SLC23A3: variants seen among roughly 807,000 people sequenced by gnomAD.
SLC23A3 encodes E2-binding protein 3.
SLC23A3 carries 41 observed loss-of-function variants against 64.7 expected under a neutral mutation model. That is an observed-to-expected ratio of 0.63 (90% confidence interval 0.49 to 0.82). The LOEUF (loss-of-function observed/expected upper bound fraction) is 0.82, where lower values mean the gene tolerates loss of function less well. Ranked by LOEUF, SLC23A3 falls within the 40% of genes least tolerant of loss-of-function variation. The pLI is 0.00. For synonymous variants in SLC23A3, 281 were observed against 306.8 expected (o/e 0.92, Z 0.88); for missense variants, 647 against 733.4 (o/e 0.88, Z 1.36).
intron 8 of SLC23A3, 121 bp downstream of exon 8, chr2:219,165,048 C>T (rs1305893525): frequency 1.5e-6 from 2 of 1,329,542 alleles, no homozygotes; most frequent in East Asian, 2.6e-5. Context: ...TAGGCACCTC[C>T]CCAAGTAAGA....
rs2106379984 is a variant in SLC23A3 at position 219,169,005 on chromosome 2, C to G, written c.492+24G>C. 6.2e-7 allele frequency: 1 copy of G among 1,607,760 alleles called. No homozygotes were observed. ...CCCCCAAGCCTGGCACCACCCTTAT[C>G]CCTTCTCACCTCCAGATACCCACCT... On this transcript the variant is annotated intron_variant, in intron 4 of 11. Transcript: ENST00000409878. This position sits in a 1 kb window ranked among gnomAD's most constrained non-coding sequence, Gnocchi z 4.5.
Position 219,162,083 on chromosome 2 carries a change from G to C in SLC23A3, c.1659C>G (p.Ile553Met). 6.2e-7 allele frequency: 1 copy of C among 1,614,216 alleles called. No homozygotes were observed. The highest frequency in any genetic ancestry group is 1.7e-5 in the Admixed American group (1 of 60,032). The stretch of plus-strand genomic sequence containing the variant: ...GGGGGATGCAGGGACAGAGGTTTTG[G>C]ATGGGGAAAGGAAGTCTGTACACTT... ...AAQVYRLPFP[I>M]QNLCPCIPQP... is the part of the protein sequence containing the mutation. Residue 553 changes from isoleucine to methionine, a missense_variant, in exon 12 of 12, where the codon ATC becomes ATG. By Grantham distance (10) the Ile-to-Met change is conservative. Coordinates refer to ENST00000409878, the MANE Select transcript of SLC23A3 (RefSeq NM_001144889.2).
At position 219,169,333 on chromosome 2, in the gene SLC23A3, G is replaced by A. The variant is rs192655015; in HGVS notation, c.394C>T (p.Arg132Trp). The change falls in exon 3 of 12, where the codon CGG becomes TGG. Residue 132 changes from arginine to tryptophan, a missense_variant. Arg to Trp is a moderately radical substitution (Grantham distance 101, BLOSUM62 -3). Coordinates refer to ENST00000409878, the MANE Select transcript of SLC23A3 (RefSeq NM_001144889.2). The surrounding 1 kb of genome is among the most constrained non-coding windows in gnomAD (Gnocchi z 4.5). The stretch of plus-strand genomic sequence containing the variant: ...CAGTTTCCAGGTGTCTGGATGGCCC[G>A]GGGTAGCTTCTGGCTGGTCAGCACC... ...ALVLTSQKLP[R>W]AIQTPGNSSL... 8 of 1,614,072 alleles carry A rather than the reference G, an allele frequency of 5.0e-6. No individual in the cohort carries two copies. Among genetic ancestry groups the A allele is most frequent in the African/African-American group, 2.7e-5 (2 of 74,926 alleles).
intron 6 of SLC23A3, 44 bp downstream of exon 6, chr2:219,168,151 C>T: frequency 6.2e-7 from 1 of 1,606,790 alleles, no homozygotes; most frequent in East Asian, 2.2e-5. Context: ...GCACTCCAGG[C>T]CAGCCCTTCT....
In SLC23A3 at chr2:219,163,826, C is replaced by T. The variant is rs577448620; in HGVS notation, c.1274-271G>A. On this transcript the variant is annotated intron_variant, in intron 9 of 11. Coordinates refer to ENST00000409878, the MANE Select transcript of SLC23A3 (RefSeq NM_001144889.2). The stretch of plus-strand genomic sequence containing the variant: ...AGCGATTTCTCCTGCCTCAGCCTCC[C>T]GAGTAGCTGGGATTACAGGCATGTG... Among the ~76,000 whole-genome samples, 74 of 152,154 alleles carry T rather than the reference C, an allele frequency of 4.9e-4. 1 individual carries two copies. Among genetic ancestry groups the T allele is most frequent in the Middle Eastern group, 3.4e-3 (1 of 294 alleles).
intron 5 of SLC23A3, 134 bp from the exon 6 acceptor site, chr2:219,168,452 A>G: frequency 8.1e-7 from 1 of 1,227,044 alleles, no homozygotes; most frequent in Non-Finnish European, 1.1e-6. Flanking sequence ...AGGAATAGGA[A>G]GTGACCTTGG....
Position 219,162,017 on chromosome 2 carries a change from C to T in SLC23A3, c.1725G>A (p.Gly575=). Reference sequence around the variant, plus strand: ...GCTCAGAGGAGCCTCCTTCCTCATCCCCAGGGTCTTCAGGCAGTGGGCAGA... The same window carrying T: ...GCTCAGAGGAGCCTCCTTCCTCATCTCCAGGGTCTTCAGGCAGTGGGCAGA... ...HCLCPLPEDP[G]DEEGGSSEPE... is the part of the protein sequence containing the mutation. The change falls in exon 12 of 12, where the codon GGG becomes GGA. Residue 575 remains glycine (G), a synonymous_variant. Coordinates refer to ENST00000409878, the MANE Select transcript of SLC23A3 (RefSeq NM_001144889.2). 1.2e-6 allele frequency: 2 copies of T among 1,614,124 alleles called. No individual in the cohort carries two copies. Among genetic ancestry groups the T allele is most frequent in the African/African-American group, 1.3e-5 (1 of 75,024 alleles).
chr2:219,169,978 G>T lies in SLC23A3; in HGVS notation c.7C>A (p.Arg3=). 2 of 1,613,762 alleles carry T rather than the reference G, an allele frequency of 1.2e-6. No individual in the cohort carries two copies. Among genetic ancestry groups the T allele is most frequent in the Middle Eastern group, 1.7e-4 (1 of 6,056 alleles). Residue 3 remains arginine, a synonymous_variant, in exon 1 of 12, where the codon CGA becomes AGA. Coordinates refer to ENST00000409878, the MANE Select transcript of SLC23A3 (RefSeq NM_001144889.2). The surrounding 1 kb of genome is among the most constrained non-coding windows in gnomAD (Gnocchi z 4.5). MS[R]SPLNPSQLRS... ...AGTTGGCTGGGATTGAGGGGTGATC[G>T]GCTCATGCTGCCTTGCCTTTCGCTT...
chr2:219,168,406 G>C, intron 5 of SLC23A3, 88 bp from the exon 6 acceptor site: 1 of 1,422,636 alleles, frequency 7.0e-7, no homozygotes, highest in Middle Eastern at 1.9e-4. Context: ...TATCATAAGA[G>C]CGGGGGGTGA....
chr2:219,165,111 G>A (rs554421049), intron 8 of SLC23A3, 58 bp downstream of exon 8: 41 of 1,531,316 alleles, frequency 2.7e-5, no homozygotes, highest in Non-Finnish European at 3.3e-5. Context: ...GTAAGTTCCT[G>A]TCCTTCTTCT....
intron 7 of SLC23A3, among the ~76,000 whole-genome samples, chr2:219,166,323 G>A (rs1313713474): frequency 1.3e-5 from 2 of 151,840 alleles, no homozygotes; most frequent in African/African-American, 4.8e-5. Flanking sequence ...AGCCTCTGAA[G>A]TAACTGGGAC....
intron 8 of SLC23A3, chr2:219,164,550 C>G (rs576865985): frequency 2.1e-6 from 1 of 485,616 alleles, no homozygotes; most frequent in African/African-American, 2.0e-5. Context: ...ATTTTCTTCA[C>G]TTTTCTTTTT....
chr2:219,169,495 C>T lies in SLC23A3; in HGVS notation c.320+26G>A, dbSNP rs780207165. 7 of 1,613,720 alleles carry T rather than the reference C, an allele frequency of 4.3e-6. No homozygotes were observed. In the African/African-American group the frequency reaches 9.3e-5, roughly 22 times the overall value. Reference sequence around the variant, plus strand: ...CTCTCCTACCCTCCAGGACTCTGCCCCTCTCTCCAGGGAGGTTCCTCTCAC... The same window carrying T: ...CTCTCCTACCCTCCAGGACTCTGCCTCTCTCTCCAGGGAGGTTCCTCTCAC... On this transcript the variant is annotated intron_variant, in intron 2 of 11. Coordinates refer to ENST00000409878, the MANE Select transcript of SLC23A3 (RefSeq NM_001144889.2). The surrounding 1 kb of genome is among the most constrained non-coding windows in gnomAD (Gnocchi z 4.5).
chr2:219,162,810 G>C (rs1559208016), intron 10 of SLC23A3, among the ~76,000 whole-genome samples: 1 of 152,118 alleles, frequency 6.6e-6, no homozygotes, highest in Non-Finnish European at 1.5e-5. Flanking sequence ...GTACAGTGTA[G>C]GATGTTTAGC....
chr2:219,165,335 C>T lies in SLC23A3; in HGVS notation c.1001G>A (p.Cys334Tyr). Reference sequence around the variant, plus strand: ...CAGCAGCCGGCCACACAGGGCATAGCAGCCCAGGGAACTGGTGGAGGCTGC... The same window carrying T: ...CAGCAGCCGGCCACACAGGGCATAGTAGCCCAGGGAACTGGTGGAGGCTGC... ...ALAASTSSLG[C>Y]YALCGRLLHL... Residue 334 changes from cysteine to tyrosine, a missense_variant, in exon 8 of 12, where the codon TGC (cysteine) becomes TAC (tyrosine). Coordinates refer to ENST00000409878, the MANE Select transcript of SLC23A3 (RefSeq NM_001144889.2). 6.4e-7 allele frequency: 1 copy of T among 1,551,572 alleles called. No individual in the cohort carries two copies. The highest frequency in any genetic ancestry group is 1.2e-5 in the South Asian group (1 of 84,054).
In SLC23A3 at chr2:219,161,478, C is replaced by T. The variant is rs149277478; in HGVS notation, c.*431G>A. On this transcript the variant is annotated 3_prime_UTR_variant, in exon 12 of 12. Coordinates refer to ENST00000409878, the MANE Select transcript of SLC23A3 (RefSeq NM_001144889.2). ...TATCCCTTCCTCTTTGCTCCCACGGCATTATTTTAATCTTTATTACAGACT... is the reference window on the plus strand; with the variant it reads ...TATCCCTTCCTCTTTGCTCCCACGGTATTATTTTAATCTTTATTACAGACT... 1,441 of 154,058 alleles carry T rather than the reference C, an allele frequency of 9.4e-3. 18 individuals carry two copies. Among genetic ancestry groups the T allele is most frequent in the Non-Finnish European group, 0.013 (899 of 69,324 alleles). 9.5% of individuals were successfully genotyped at this position (154,058 alleles called of 1,614,324 possible).
chr2:219,169,281 T>G lies in SLC23A3; in HGVS notation c.418+28A>C, dbSNP rs773860610. On this transcript the variant is annotated intron_variant, in intron 3 of 11. Coordinates refer to ENST00000409878, the MANE Select transcript of SLC23A3 (RefSeq NM_001144889.2). The surrounding 1 kb of genome is among the most constrained non-coding windows in gnomAD (Gnocchi z 4.5). ...CTCAGATGAGAACCCAGCCCCACCC[T>G]TACCCCTTGCCCTTGCTCTGTGCTC... 6.2e-6 allele frequency: 10 copies of G among 1,613,912 alleles called. No individual in the cohort carries two copies. The East Asian group carries it at 2.2e-4, about 36-fold the overall frequency.
chr2:219,168,757 G>A lies in SLC23A3; in HGVS notation c.569C>T (p.Pro190Leu). 1 of 1,612,346 alleles carries A rather than the reference G, an allele frequency of 6.2e-7. No homozygotes were observed. The change falls in exon 5 of 12, where the codon CCC (proline) becomes CTC (leucine). Residue 190 changes from proline to leucine, a missense_variant. By Grantham distance (98) the Pro-to-Leu change is moderately conservative. Transcript: ENST00000409878. ...GLLGSPGHVF[P>L]HCGPLVLAPS... ...AGCCAGCACCAGGGGCCCACAGTGG[G>A]GGAACACGTGGCCGGGACTCCCCAG...
rs1303166117 is a variant in SLC23A3 at position 219,169,076 on chromosome 2, C to T, written c.445G>A (p.Gly149Arg). The T allele has an allele frequency of 6.2e-6, 10 of 1,613,998 alleles. No individual in the cohort carries two copies. Among genetic ancestry groups the T allele is most frequent in the African/African-American group, 1.3e-5 (1 of 74,892 alleles). ...NSSLMLHLCR[G>R]PSCHGLGHWN... ...TGCCCCAGGCCATGGCAGCTAGGTC[C>T]CCTACAAAGGTGCAGCATGAGGGAG... Residue 149 changes from glycine to arginine, a missense_variant, in exon 4 of 12, where the codon GGA (glycine) becomes AGA (arginine). Physicochemically the swap from Gly to Arg is moderately radical, Grantham distance 125. Transcript: ENST00000409878. The surrounding 1 kb of genome is among the most constrained non-coding windows in gnomAD (Gnocchi z 4.5).
Sources: allele counts gnomAD v4.1 joint callset (sites outside exome capture counted in the v4.1 genomes callset), GRCh38; gene constraint gnomAD v4.1.1; non-coding constraint Gnocchi (gnomAD v3.1); transcripts MANE v1.5; gene names NCBI Gene and HGNC (gene_info 2026-07-23, HGNC 2026-07-21).